IQGAP1: variants seen among roughly 807,000 people sequenced by gnomAD.
IQGAP1 encodes ras GTPase-activating-like protein IQGAP1.
Under a neutral mutation model 215.6 loss-of-function variants are expected in IQGAP1, and 66 were observed. The ratio of observed to expected loss-of-function variants is 0.31; its 90% CI spans 0.25 to 0.38. IQGAP1 has a LOEUF of 0.38. Among genes scored for constraint, IQGAP1 ranks in the 10% least tolerant of loss-of-function variants. The pLI, the probability that IQGAP1 is intolerant of heterozygous loss-of-function variation, is 1.00. For synonymous variants in IQGAP1, 772 were observed against 728.7 expected (o/e 1.06, Z -0.96); for missense variants, 1,712 against 1,997.1 (o/e 0.86, Z 2.72).
intron 8 of IQGAP1, 93 bp from the exon 9 acceptor site, chr15:90,443,301 G>A (rs748614982): frequency 4.1e-5 from 30 of 728,294 alleles, no homozygotes; most frequent in Non-Finnish European, 7.1e-5. Flanking sequence ...CATATTCTTG[G>A]TAGTGTTATG....
At chr15:90,453,731 A>G (rs1444186532) in intron 13 of IQGAP1, among the ~76,000 whole-genome samples, 1 of 152,200 alleles carries the variant, frequency 6.6e-6, no homozygotes, top group Non-Finnish European at 1.5e-5. Flanking sequence ...TGTTAAAGGG[A>G]TGGGACCAAT....
Position 90,477,725 on chromosome 15 carries a change from TGTAA to T in IQGAP1, c.3168_3171del (p.Phe1058ThrfsTer10). On this transcript the variant is annotated frameshift_variant, in exon 26 of 38. Transcript: ENST00000268182. LOFTEE classifies it high-confidence loss of function. ...GAAATCCTACGGTTATTAAAATGGT[TGTAA>T]GTTTCAACCGTGGTGCCCGTGGCCA... The T allele has an allele frequency of 6.2e-7, 1 of 1,614,032 alleles. No individual in the cohort carries two copies. The highest frequency in any genetic ancestry group is 8.5e-7 in the Non-Finnish European group (1 of 1,179,968).
intron 18 of IQGAP1, 111 bp downstream of exon 18, chr15:90,467,703 G>A (rs938981516): frequency 1.8e-6 from 2 of 1,102,152 alleles, no homozygotes; most frequent in Non-Finnish European, 2.5e-6. Context: ...TAAAATTGAG[G>A]TTATGTAATG....
chr15:90,487,675 G>A lies in IQGAP1; in HGVS notation c.4248+93G>A, dbSNP rs757673603. The A allele has an allele frequency of 6.0e-6, 5 of 838,672 alleles. No homozygotes were observed. In the East Asian group the frequency reaches 1.3e-4, roughly 21 times the overall value. The allele number at this position is 838,672 out of a possible 1,614,324, so 52.0% of individuals were successfully genotyped here. On this transcript the variant is annotated intron_variant, in intron 33 of 37. Transcript: ENST00000268182. ...GAAAGGAGGGGAGACACAAATAACA[G>A]TTGGTAGCCTAGGGGTGAGCATGAA... is the stretch of plus-strand genomic sequence containing the variant.
chr15:90,461,560 C>T (rs1056547099), intron 15 of IQGAP1, among the ~76,000 whole-genome samples: 5 of 152,262 alleles, frequency 3.3e-5, no homozygotes, highest in Non-Finnish European at 5.9e-5. Context: ...TGACTTAGGC[C>T]GTGTGTGGTG....
At chr15:90,424,777 T>G (rs949712922) in intron 2 of IQGAP1, among the ~76,000 whole-genome samples, 4 of 151,640 alleles carry the variant, frequency 2.6e-5, no homozygotes, top group Admixed American at 2.6e-4. Context: ...AGGCAGAGGT[T>G]GTAGTGAGCT....
intron 2 of IQGAP1, among the ~76,000 whole-genome samples, chr15:90,392,871 A>G (rs1381988899): frequency 6.8e-6 from 1 of 148,086 alleles, no homozygotes; most frequent in African/African-American, 2.5e-5. Context: ...CAGCCTCCTG[A>G]GTAGCTGGAA....
Position 90,453,153 on chromosome 15 carries a change from C to G in IQGAP1, c.1348C>G (p.Leu450Val), listed in dbSNP as rs1363378654. The change falls in exon 13 of 38, where the codon CTC (leucine) becomes GTC (valine). Residue 450 changes from leucine to valine, a missense_variant. This residue lies in a region of IQGAP1 where 1,021 missense variants were observed against 1,074.2 expected (regional missense o/e 0.95). Coordinates refer to ENST00000268182, the MANE Select transcript of IQGAP1 (RefSeq NM_003870.4). Reference sequence around the variant, plus strand: ...ACAGCATAATCTCACCCACCCAGAGCTCTCTGTCGCAGTGGAGATGTTGTC... The same window carrying G: ...ACAGCATAATCTCACCCACCCAGAGGTCTCTGTCGCAGTGGAGATGTTGTC... ...SPEHNLTHPELSVAVEMLSSV... is the reference protein window; with the variant it reads ...SPEHNLTHPEVSVAVEMLSSV... The G allele has an allele frequency of 2.5e-6, 4 of 1,613,098 alleles. No individual in the cohort carries two copies. The highest frequency in any genetic ancestry group is 3.3e-5 in the Admixed American group (2 of 59,876).
chr15:90,495,279 G>A (rs1040182042), intron 36 of IQGAP1, among the ~76,000 whole-genome samples: 1 of 152,058 alleles, frequency 6.6e-6, no homozygotes, highest in Non-Finnish European at 1.5e-5. Context: ...CCTCCCACAG[G>A]TCCTGGGCCC....
At chr15:90,474,167 A>T (rs1965946189) in intron 22 of IQGAP1, 34 bp downstream of exon 22, 1 of 1,556,700 alleles carries the variant, frequency 6.4e-7, no homozygotes, top group African/African-American at 1.4e-5. Context: ...GAGTTGAGGC[A>T]GTGGCTGGGA....
chr15:90,418,680 A>G (rs1052949351), intron 2 of IQGAP1, among the ~76,000 whole-genome samples: 1 of 152,222 alleles, frequency 6.6e-6, no homozygotes, highest in Non-Finnish European at 1.5e-5. Context: ...AATGTGTAAT[A>G]CTAGGCCTCT....
chr15:90,402,886 TTTTAC>T (rs146579404), intron 2 of IQGAP1, among the ~76,000 whole-genome samples: 2,215 of 152,312 alleles, frequency 0.015, 42 homozygotes, highest in African/African-American at 0.05. Context: ...CAGCAGGTCA[TTTTAC>T]TGTAAGTAAC....
rs771704265 is a variant in IQGAP1, at chr15:90,474,994, CTTTTTTTTTT to C, written c.2784+313_2784+322del. 4.2e-5 allele frequency: 5 copies of C among 119,572 alleles called. 1 individual carries two copies. Among genetic ancestry groups the C allele is most frequent in the Non-Finnish European group, 3.2e-5 (2 of 61,628 alleles). The allele number at this position is 119,572 out of a possible 1,614,324, so 7.4% of individuals were successfully genotyped here. On this transcript the variant is annotated intron_variant, in intron 23 of 37. Coordinates refer to ENST00000268182, the MANE Select transcript of IQGAP1 (RefSeq NM_003870.4). ...CTGGCTAATGTTTTTTGATTTTTGGCTTTTTTTTTTTTTTTTTTTTTGCTGACGGAGTTTC... is the reference window on the plus strand; with the variant it reads ...CTGGCTAATGTTTTTTGATTTTTGGCTTTTTTTTTTTGCTGACGGAGTTTC...
chr15:90,406,071 A>C (rs1364588872), intron 2 of IQGAP1, among the ~76,000 whole-genome samples: 1 of 152,176 alleles, frequency 6.6e-6, no homozygotes, highest in Non-Finnish European at 1.5e-5. Flanking sequence ...TTTAAAAATG[A>C]GGGGTGCAAA....
rs1417854735 is a variant in IQGAP1 at position 90,452,955 on chromosome 15, T to A, written c.1326+17T>A. 22 of 1,612,016 alleles carry A rather than the reference T, an allele frequency of 1.4e-5. No homozygotes were observed. The highest frequency in any genetic ancestry group is 1.9e-5 in the Non-Finnish European group (22 of 1,178,910). On this transcript the variant is annotated intron_variant, in intron 12 of 37. Coordinates refer to ENST00000268182, the MANE Select transcript of IQGAP1 (RefSeq NM_003870.4). ...AGTCCTGAAGTGAGTTCACTAAACC[T>A]GTCCTGTTTGTGAGCAAAGTTGGGT...
At chr15:90,479,824 G>A (rs1443822041) in intron 26 of IQGAP1, among the ~76,000 whole-genome samples, 1 of 152,072 alleles carries the variant, frequency 6.6e-6, no homozygotes, top group Non-Finnish European at 1.5e-5. Flanking sequence ...TCAGATCATT[G>A]CAAAAGTCTT....
At chr15:90,476,937 G>T in intron 24 of IQGAP1, 119 bp downstream of exon 24, 2 of 1,309,160 alleles carry the variant, frequency 1.5e-6, no homozygotes, top group South Asian at 1.3e-5. Flanking sequence ...TGAGTGAGGG[G>T]CACTGTAACA....
chr15:90,445,952 C>T (rs1965522755), intron 9 of IQGAP1, among the ~76,000 whole-genome samples: 1 of 151,968 alleles, frequency 6.6e-6, no homozygotes, highest in South Asian at 2.1e-4. Context: ...TCTGCCTCAG[C>T]CTCCTGAGTG....
rs368011930 is a variant in IQGAP1, at chr15:90,482,233, C to T, written c.3507C>T (p.Asp1169=). Residue 1169 remains aspartate (D), a synonymous_variant, in exon 28 of 38, where the codon GAC becomes GAT. Coordinates refer to ENST00000268182, the MANE Select transcript of IQGAP1 (RefSeq NM_003870.4). ...GMRFIAKVLK[D]SLHEKFPDAG... ...GCTTCATTGCCAAAGTGCTGAAGGA[C>T]TCGTTGCATGAGAAGTTCCCTGATG... 24 of 1,614,078 alleles carry T rather than the reference C, an allele frequency of 1.5e-5. No homozygotes were observed. Among genetic ancestry groups the T allele is most frequent in the Non-Finnish European group, 1.9e-5 (23 of 1,180,034 alleles).
Sources: allele counts gnomAD v4.1 joint callset (sites outside exome capture counted in the v4.1 genomes callset), GRCh38; gene constraint gnomAD v4.1.1; regional missense constraint gnomAD v4.1.1; transcripts MANE v1.5; gene names NCBI Gene and HGNC (gene_info 2026-07-23, HGNC 2026-07-21).